KIF3B: variants seen among roughly 807,000 people sequenced by gnomAD.
KIF3B encodes kinesin-like protein KIF3B.
Under a neutral mutation model 74.3 loss-of-function variants are expected in KIF3B, and 38 were observed. The ratio of observed to expected loss-of-function variants is 0.51; its 90% CI spans 0.39 to 0.67. The LOEUF (loss-of-function observed/expected upper bound fraction) is 0.67, where lower values mean the gene tolerates loss of function less well. KIF3B is among the 30% of genes least tolerant of loss of function. KIF3B has a pLI of 0.00. For missense variants in KIF3B, 649 were observed against 932.0 expected (o/e 0.70, Z 3.95); for synonymous variants, 326 against 342.5 (o/e 0.95, Z 0.53).
intron 1 of KIF3B, among the ~76,000 whole-genome samples, chr20:32,296,385 C>T (rs1349788448): frequency 6.6e-6 from 1 of 151,966 alleles, no homozygotes; most frequent in Non-Finnish European, 1.5e-5. Context: ...GGCAGATCAC[C>T]TGAGGCCGGG....
rs1171445394 is a variant in KIF3B, at chr20:32,301,148, C to T, written c.-65-8565C>T. Among the ~76,000 whole-genome samples the T allele has an allele frequency of 9.2e-5, 12 of 130,340 alleles. No homozygotes were observed. In the East Asian group the frequency reaches 1.6e-3, roughly 17 times the overall value. The allele number at this position is 130,340 out of a possible 152,430, so 85.5% of individuals were successfully genotyped here. A position where few individuals can be genotyped will look rare whatever the true frequency, so the allele number is the denominator to read the frequency against. On this transcript the variant is annotated intron_variant, in intron 1 of 8. Coordinates refer to ENST00000375712, the MANE Select transcript of KIF3B (RefSeq NM_004798.4). ...TGTCACCCAGGCTGGAGTGCAGTGG[C>T]GCAATCTCGGCTCACTGCAGCCTCC...
chr20:32,331,318 A>G lies in KIF3B; in HGVS notation c.2243A>G (p.Ter748=). The G allele has an allele frequency of 6.2e-7, 1 of 1,605,808 alleles. No individual in the cohort carries two copies. The highest frequency in any genetic ancestry group is 8.5e-7 in the Non-Finnish European group (1 of 1,177,020). ...CAGTCTCGGGGGCTGGTTCCAAAGT[A>G]AAGCCAGCTTCTCCTCTCCCAGGGC... The part of the protein sequence containing the change: ...YPQSRGLVPK[*] Residue 748 remains the stop codon, a stop_retained_variant, in exon 9 of 9, where the codon TAA becomes TGA. Transcript: ENST00000375712.
At chr20:32,313,038 C>T (rs2047809391) in intron 2 of KIF3B, among the ~76,000 whole-genome samples, 1 of 152,170 alleles carries the variant, frequency 6.6e-6, no homozygotes, top group Non-Finnish European at 1.5e-5. Context: ...CCAAAATGTC[C>T]TCATGCTACT....
chr20:32,329,270 T>A (rs891694800), intron 7 of KIF3B, among the ~76,000 whole-genome samples: 6 of 152,202 alleles, frequency 3.9e-5, no homozygotes, highest in African/African-American at 1.4e-4. Context: ...CTCGAACTCC[T>A]GACCTCAGGT....
chr20:32,282,695 C>T (rs906488757), intron 1 of KIF3B, among the ~76,000 whole-genome samples: 20 of 152,234 alleles, frequency 1.3e-4, no homozygotes, highest in Admixed American at 1.2e-3. Flanking sequence ...GCTGAGGGAG[C>T]CTGGCCAGCT....
rs201378586 is a variant in KIF3B, at chr20:32,327,641, C to T, written c.1948C>T (p.Arg650Cys). Residue 650 changes from arginine (R) to cysteine (C), a missense_variant, in exon 7 of 9, where the codon CGT (arginine) becomes TGT (cysteine). Arg to Cys is a radical substitution (Grantham distance 180). Transcript: ENST00000375712. The part of the protein sequence containing the change: ...SQHARMSMMI[R>C]PEARYRAENI... ...GCACGCAAGAATGTCCATGATGATT[C>T]GTCCAGAGGCCCGATATAGGGTGAG... 27 of 1,612,866 alleles carry T rather than the reference C, an allele frequency of 1.7e-5. No homozygotes were observed. Among genetic ancestry groups the T allele is most frequent in the South Asian group, 1.4e-4 (13 of 91,058 alleles).
intron 5 of KIF3B, among the ~76,000 whole-genome samples, chr20:32,323,615 G>A (rs1343199485): frequency 2.0e-5 from 3 of 151,930 alleles, no homozygotes; most frequent in African/African-American, 4.8e-5. Context: ...ATGGTGGCTC[G>A]TACCTGTAAT....
chr20:32,308,745 A>C (rs1187321870), intron 1 of KIF3B, among the ~76,000 whole-genome samples: 2 of 119,482 alleles, frequency 1.7e-5, no homozygotes, highest in Non-Finnish European at 3.3e-5. Context: ...TTTTTTTTTG[A>C]GACGGAGTCT....
chr20:32,278,199 A>G (rs1457636330), intron 1 of KIF3B, among the ~76,000 whole-genome samples: 1 of 152,158 alleles, frequency 6.6e-6, no homozygotes, highest in East Asian at 1.9e-4. Flanking sequence ...TGAGAAGTGT[A>G]TGTGAAAGTG....
chr20:32,299,379 G>GTA lies in KIF3B; in HGVS notation c.-65-10310_-65-10309dup, dbSNP rs1555895040. On this transcript the variant is annotated intron_variant, in intron 1 of 8. Coordinates refer to ENST00000375712, the MANE Select transcript of KIF3B (RefSeq NM_004798.4). ...CTTGTAACTACTGAATGGTGTGTGT[G>GTA]TATATATATATATATATATATATAT... Among the ~76,000 whole-genome samples the GTA allele has an allele frequency of 2.2e-3, 50 of 23,090 alleles. 1 individual carries two copies. Among genetic ancestry groups the GTA allele is most frequent in the Middle Eastern group, 0.024 (1 of 42 alleles). The allele number at this position is 23,090 out of a possible 152,430, so 15.1% of individuals were successfully genotyped here.
In KIF3B at chr20:32,316,634, C is replaced by T. The variant is rs2047829001; in HGVS notation, c.1614C>T (p.Thr538=). ...SSLQQEVDIK[T]KKLKKLFSKL... is the part of the protein sequence containing the mutation. ...TGCAGCAAGAGGTGGACATCAAGAC[C>T]AAAAAACTCAAAAAGGTATGAAAGG... Residue 538 remains threonine (T), a synonymous_variant, in exon 4 of 9, where the codon ACC becomes ACT. Coordinates refer to ENST00000375712, the MANE Select transcript of KIF3B (RefSeq NM_004798.4). 1 of 1,613,696 alleles carries T rather than the reference C, an allele frequency of 6.2e-7. No homozygotes were observed. Among genetic ancestry groups the T allele is most frequent in the Non-Finnish European group, 8.5e-7 (1 of 1,179,938 alleles).
intron 1 of KIF3B, among the ~76,000 whole-genome samples, chr20:32,288,301 C>T (rs1236494761): frequency 6.6e-6 from 1 of 152,046 alleles, no homozygotes; most frequent in Non-Finnish European, 1.5e-5. Flanking sequence ...CCAGCCTGGG[C>T]AGCATAGTGA....
intron 1 of KIF3B, among the ~76,000 whole-genome samples, chr20:32,301,971 A>C (rs964780310): frequency 2.0e-5 from 3 of 152,224 alleles, no homozygotes; most frequent in African/African-American, 7.2e-5. Flanking sequence ...TCAATTTTTC[A>C]TGTTCAATAA....
At chr20:32,305,959 G>T (rs1228299342) in intron 1 of KIF3B, among the ~76,000 whole-genome samples, 1 of 151,576 alleles carries the variant, frequency 6.6e-6, no homozygotes, top group South Asian at 2.1e-4. Context: ...GGTGGCAGGT[G>T]CCTGTAATCC....
rs778119936 is a variant in KIF3B at position 32,334,881 on chromosome 20, C to T, written c.*3562C>T. ...GGCTACCTTTAGACAAAGAATACGC[C>T]AATCAATACTTGGGGCTCTAAGTTT... On this transcript the variant is annotated 3_prime_UTR_variant, in exon 9 of 9. Coordinates refer to ENST00000375712, the MANE Select transcript of KIF3B (RefSeq NM_004798.4). 1.3e-5 allele frequency: 2 copies of T among 152,504 alleles called. No individual in the cohort carries two copies. The highest frequency in any genetic ancestry group is 2.9e-5 in the Non-Finnish European group (2 of 68,020). The allele number at this position is 152,504 out of a possible 1,614,324, so 9.4% of individuals were successfully genotyped here.
intron 8 of KIF3B, among the ~76,000 whole-genome samples, chr20:32,330,935 CTT>C (rs957345343): frequency 6.6e-6 from 1 of 152,182 alleles, no homozygotes; most frequent in Non-Finnish European, 1.5e-5. Flanking sequence ...TACCTGCAAA[CTT>C]AATATTTTTT....
In KIF3B at chr20:32,322,756, A is replaced by T. The variant is rs61116346; in HGVS notation, c.1749-4015A>T. 1.1e-3 allele frequency among the ~76,000 whole-genome samples: 43 copies of T among 39,170 alleles called. 1 individual carries two copies. The highest frequency in any genetic ancestry group is 7.8e-3 in the African/African-American group (41 of 5,252). The allele number at this position is 39,170 out of a possible 152,430, so 25.7% of individuals were successfully genotyped here. On this transcript the variant is annotated intron_variant, in intron 5 of 8. Coordinates refer to ENST00000375712, the MANE Select transcript of KIF3B (RefSeq NM_004798.4). ...TTTATATATATTTATTTATATATATATTTATATATATTTATATATATATTT... is the reference window on the plus strand; with the variant it reads ...TTTATATATATTTATTTATATATATTTTTATATATATTTATATATATATTT...
At chr20:32,321,517 A>C (rs1326785608) in intron 5 of KIF3B, among the ~76,000 whole-genome samples, 1 of 151,762 alleles carries the variant, frequency 6.6e-6, no homozygotes, top group African/African-American at 2.4e-5. Flanking sequence ...TGTTCTATAT[A>C]TCTATCCTCA....
Position 32,310,207 on chromosome 20 carries a change from T to C in KIF3B, c.430T>C (p.Tyr144His), listed in dbSNP as rs202014684. Residue 144 changes from tyrosine (Y) to histidine (H), a missense_variant, in exon 2 of 9, where the codon TAC (tyrosine) becomes CAC (histidine). Physicochemically the swap from Tyr to His is moderately conservative, Grantham distance 83. Transcript: ENST00000375712. The surrounding 1 kb of genome is among the most constrained non-coding windows in gnomAD (Gnocchi z 6.5). ...TCAACAATACCTGGTCAGGGCTTCTTACTTAGAGATCTACCAGGAGGAGAT... is the reference window on the plus strand; with the variant it reads ...TCAACAATACCTGGTCAGGGCTTCTCACTTAGAGATCTACCAGGAGGAGAT... ...QNQQYLVRASYLEIYQEEIRD... is the reference protein window; with the variant it reads ...QNQQYLVRASHLEIYQEEIRD... 1 of 1,613,586 alleles carries C rather than the reference T, an allele frequency of 6.2e-7. No homozygotes were observed. The highest frequency in any genetic ancestry group is 2.2e-5 in the East Asian group (1 of 44,854).
Sources: allele counts gnomAD v4.1 joint callset (sites outside exome capture counted in the v4.1 genomes callset), GRCh38; gene constraint gnomAD v4.1.1; non-coding constraint Gnocchi (gnomAD v3.1); transcripts MANE v1.5; gene names NCBI Gene and HGNC (gene_info 2026-07-23, HGNC 2026-07-21).